MIA3: variants seen among roughly 807,000 people sequenced by gnomAD.
MIA3 encodes MIA SH3 domain ER export factor 3, also known as transport and Golgi organization protein 1 homolog.
A neutral mutation model predicts 192.4 loss-of-function variants in MIA3; 90 were observed. That is an observed-to-expected ratio of 0.47 (90% CI 0.39 to 0.56). MIA3 has a LOEUF of 0.56. Ranked by LOEUF, MIA3 falls within the 20% of genes least tolerant of loss-of-function variation. MIA3 has a pLI of 0.00. For missense variants in MIA3, 2,123 were observed against 2,269.4 expected, an observed-to-expected ratio of 0.94 and a Z score of 1.31; for synonymous variants, 740 against 792.8, an observed-to-expected ratio of 0.93 and a Z score of 1.12.
At position 222,628,301 on chromosome 1, in the gene MIA3, G is replaced by A. The variant is rs370082212; in HGVS notation, c.1081G>A (p.Glu361Lys). ...PTDKEQNSNE[E>K]DKVQLTVPPG... ...AGATAAAGAGCAGAATTCAAATGAA[G>A]AGGACAAGGTTCAGCTAACTGTGCC... Residue 361 changes from glutamate to lysine, a missense_variant, in exon 4 of 28, where the codon GAG (glutamate) becomes AAG (lysine). By Grantham distance (56) the Glu-to-Lys change is moderately conservative. Transcript: ENST00000344922. 27 of 1,613,772 alleles carry A rather than the reference G, an allele frequency of 1.7e-5. No individual in the cohort carries two copies. The Middle Eastern group carries it at 1.3e-3, about 79-fold the overall frequency.
intron 6 of MIA3, among the ~76,000 whole-genome samples, chr1:222,638,538 A>G (rs1168081680): frequency 6.6e-6 from 1 of 151,914 alleles, no homozygotes; most frequent in Non-Finnish European, 1.5e-5. Flanking sequence ...ACACACACAC[A>G]CACACACACA....
intron 6 of MIA3, chr1:222,644,493 C>T (rs763807200): frequency 3.9e-6 from 6 of 1,550,614 alleles, no homozygotes; most frequent in Non-Finnish European, 5.2e-6. Context: ...CAGTACCTGC[C>T]ACTGTGCCTT....
rs1360812811 is a variant in MIA3, at chr1:222,629,534, G to C, written c.2314G>C (p.Asp772His). 6.2e-6 allele frequency: 10 copies of C among 1,613,880 alleles called. No homozygotes were observed. The highest frequency in any genetic ancestry group is 8.5e-6 in the Non-Finnish European group (10 of 1,180,020). The change falls in exon 4 of 28, where the codon GAT becomes CAT. Residue 772 changes from aspartate to histidine, a missense_variant. Around this residue, in one of 3 missense-constraint regions of MIA3, gnomAD observed 1,357 missense variants for 1,396.1 expected, o/e 0.97. Transcript: ENST00000344922. ...AGCAGTTTTAGGGACCATTCATCCA[G>C]ATCCAGAAATTGAAGAAAGCAAGCA... ...DRAVLGTIHP[D>H]PEIEESKQET...
chr1:222,659,568 G>C, intron 20 of MIA3, 54 bp from the exon 21 acceptor site: 1 of 1,610,816 alleles, frequency 6.2e-7, no homozygotes, highest in Non-Finnish European at 8.5e-7. Context: ...ATAACTAATA[G>C]AGGCTATTAT....
intron 6 of MIA3, among the ~76,000 whole-genome samples, chr1:222,643,166 GTTTGT>G (rs1558184947): frequency 2.2e-5 from 2 of 91,772 alleles, no homozygotes; most frequent in Non-Finnish European, 4.2e-5. Flanking sequence ...TTTTCAACTT[GTTTGT>G]TTTCATTTTT....
intron 19 of MIA3, chr1:222,659,143 A>T (rs1414871563): frequency 2.4e-6 from 1 of 421,630 alleles, no homozygotes; most frequent in African/African-American, 2.1e-5. Flanking sequence ...GAAAATTTTT[A>T]TGATGTAATT....
intron 6 of MIA3, among the ~76,000 whole-genome samples, chr1:222,634,705 A>G (rs1192657481): frequency 6.6e-6 from 1 of 152,180 alleles, no homozygotes; most frequent in Non-Finnish European, 1.5e-5. Context: ...CTACAGAGAA[A>G]GTATGCTTCT....
In MIA3 at chr1:222,629,572, G is replaced by A. The variant is rs202178199; in HGVS notation, c.2352G>A (p.Met784Ile). The A allele has an allele frequency of 1.2e-6, 2 of 1,614,046 alleles. No homozygotes were observed. Among genetic ancestry groups the A allele is most frequent in the Non-Finnish European group, 1.7e-6 (2 of 1,179,988 alleles). The change falls in exon 4 of 28, where the codon ATG (methionine) becomes ATA (isoleucine). Residue 784 changes from methionine (M) to isoleucine (I), a missense_variant. Coordinates refer to ENST00000344922, the MANE Select transcript of MIA3 (RefSeq NM_198551.4). Reference sequence around the variant, plus strand: ...AAGAAAGCAAGCAAGAAACTAGTATGATTTTGGATAGCGAAAAAACAAGTG... The same window carrying A: ...AAGAAAGCAAGCAAGAAACTAGTATAATTTTGGATAGCGAAAAAACAAGTG... Reference protein sequence around the residue: ...EIEESKQETSMILDSEKTSET... With the variant: ...EIEESKQETSIILDSEKTSET...
chr1:222,629,500 C>T lies in MIA3; in HGVS notation c.2280C>T (p.Val760=). The T allele has an allele frequency of 6.2e-7, 1 of 1,614,042 alleles. No individual in the cohort carries two copies. Among genetic ancestry groups the T allele is most frequent in the Non-Finnish European group, 8.5e-7 (1 of 1,180,028 alleles). The part of the protein sequence containing the change: ...QGRQFDVNLQ[V]PDRAVLGTIH... ...GGCAGTTTGATGTTAATCTGCAAGT[C>T]CCTGACAGAGCAGTTTTAGGGACCA... is the stretch of plus-strand genomic sequence containing the variant. Residue 760 remains valine, a synonymous_variant, in exon 4 of 28, where the codon GTC becomes GTT. Transcript: ENST00000344922.
At chr1:222,631,778 C>G (rs1355408193) in intron 4 of MIA3, among the ~76,000 whole-genome samples, 1 of 152,164 alleles carries the variant, frequency 6.6e-6, no homozygotes, top group Non-Finnish European at 1.5e-5. Context: ...TGTACTAGTT[C>G]TGTGAGAAAG....
chr1:222,654,320 C>A (rs1663592194), intron 16 of MIA3, 22 bp downstream of exon 16: 1 of 1,613,126 alleles, frequency 6.2e-7, no homozygotes, highest in African/African-American at 1.3e-5. Flanking sequence ...TTTAGAGTCC[C>A]ATAATTGCCT....
At chr1:222,641,153 G>A (rs1221216467) in intron 6 of MIA3, among the ~76,000 whole-genome samples, 1 of 152,176 alleles carries the variant, frequency 6.6e-6, no homozygotes, top group African/African-American at 2.4e-5. Context: ...AAAACAGCTT[G>A]TCAGTTTCTT....
At chr1:222,641,368 C>A (rs1210159992) in intron 6 of MIA3, 1 of 345,116 alleles carries the variant, frequency 2.9e-6, no homozygotes, top group East Asian at 7.0e-5. Context: ...CACCAGGAAG[C>A]CATGCCCAAG....
chr1:222,629,191 GC>G lies in MIA3; in HGVS notation c.1972del (p.Gln658AsnfsTer14). 1 of 1,614,102 alleles carries G rather than the reference GC, an allele frequency of 6.2e-7. No homozygotes were observed. The highest frequency in any genetic ancestry group is 8.5e-7 in the Non-Finnish European group (1 of 1,180,008). ...VPILGRNLPW[Q>X]QERDVAATAS... ...CCATTCTGGGAAGAAATCTTCCCTGGCAACAAGAAAGAGATGTGGCTGCCAC... is the reference window on the plus strand; with the variant it reads ...CCATTCTGGGAAGAAATCTTCCCTGGAACAAGAAAGAGATGTGGCTGCCAC... On this transcript the variant is annotated frameshift_variant, in exon 4 of 28. Coordinates refer to ENST00000344922, the MANE Select transcript of MIA3 (RefSeq NM_198551.4). LOFTEE classifies it high-confidence loss of function.
rs1663635326 is a variant in MIA3, at chr1:222,654,889, C to CTTTTT, written c.4607+100_4607+101insTTTTT. On this transcript the variant is annotated intron_variant, in intron 18 of 27. Transcript: ENST00000344922. ...TGTTATCGTTTTTCAGGATTGTACT[C>CTTTTT]TTTTGCATCTGTAATTAGTATAAAT... The CTTTTT allele has an allele frequency of 3.8e-6, 4 of 1,055,054 alleles. No homozygotes were observed. The African/African-American group carries it at 4.8e-5, about 13-fold the overall frequency. The allele number at this position is 1,055,054 out of a possible 1,614,324, so 65.4% of individuals were successfully genotyped here.
At chr1:222,625,747 A>AT (rs1329300472) in intron 3 of MIA3, among the ~76,000 whole-genome samples, 1 of 151,878 alleles carries the variant, frequency 6.6e-6, no homozygotes, top group Non-Finnish European at 1.5e-5. Flanking sequence ...TCTGATTATT[A>AT]TTTTTTTGAG....
At chr1:222,645,721 C>A in intron 7 of MIA3, 36 bp downstream of exon 7, 1 of 1,579,236 alleles carries the variant, frequency 6.3e-7, no homozygotes, top group South Asian at 1.1e-5. Context: ...CTCATAAATT[C>A]AAGTATGGTT....
intron 27 of MIA3, 88 bp from the exon 28 acceptor site, chr1:222,665,221 A>AT: frequency 2.7e-6 from 2 of 745,636 alleles, no homozygotes; most frequent in Non-Finnish European, 4.3e-6. Context: ...AAAAAAAAAA[A>AT]GGATGACAGA....
chr1:222,645,415 G>A, intron 6 of MIA3, 139 bp from the exon 7 acceptor site: 2 of 665,240 alleles, frequency 3.0e-6, no homozygotes, highest in South Asian at 4.2e-5. Flanking sequence ...TTAAAGCAGT[G>A]AGAGCTACTG....
Sources: gnomAD v4.1 joint callset for allele counts (sites outside exome capture counted in the v4.1 genomes callset) on GRCh38, gnomAD v4.1.1 for gene constraint, gnomAD v4.1.1 regional missense constraint, MANE v1.5 for transcripts, NCBI Gene and HGNC (gene_info 2026-07-23, HGNC 2026-07-21) for gene names.